ELL2: variants seen among roughly 807,000 people sequenced by gnomAD.
The protein encoded by ELL2 is RNA polymerase II elongation factor ELL2.
A neutral mutation model predicts 72.8 loss-of-function variants in ELL2; 21 were observed. The ratio of observed to expected loss-of-function variants is 0.29; its 90% CI spans 0.20 to 0.42. The LOEUF (loss-of-function observed/expected upper bound fraction) is 0.42. Ranked by LOEUF, ELL2 falls within the 10% of genes least tolerant of loss-of-function variation. ELL2 has a pLI of 1.00. For missense variants in ELL2, 568 were observed against 772.8 expected (o/e 0.73, Z 3.14); for synonymous variants, 266 against 283.2 (o/e 0.94, Z 0.61).
rs546551113 is a variant in ELL2, at chr5:95,895,120, T to C, written c.1589+508A>G. Among the ~76,000 whole-genome samples, 83 of 152,370 alleles carry C rather than the reference T, an allele frequency of 5.4e-4. 1 individual carries two copies. Among genetic ancestry groups the C allele is most frequent in the African/African-American group, 2.0e-3 (82 of 41,584 alleles). The stretch of plus-strand genomic sequence containing the variant: ...AACTTGTTGTCACAACAAGAAAACA[T>C]TATAACCATTACTAAATTGAAATGA... On this transcript the variant is annotated intron_variant, in intron 9 of 11. Coordinates refer to ENST00000237853, the MANE Select transcript of ELL2 (RefSeq NM_012081.6).
rs1396136872 is a variant in ELL2 at position 95,898,304 on chromosome 5, C to T, written c.1461G>A (p.Glu487=). 2 of 1,612,640 alleles carry T rather than the reference C, an allele frequency of 1.2e-6. No individual in the cohort carries two copies. Among genetic ancestry groups the T allele is most frequent in the Non-Finnish European group, 1.7e-6 (2 of 1,179,672 alleles). Residue 487 remains glutamate, a synonymous_variant, in exon 8 of 12, where the codon GAG becomes GAA. Transcript: ENST00000237853. The part of the protein sequence containing the change: ...KHDIETIEEK[E]EDLKREEEIA... ...TTTCCTCTTCTCTCTTAAGATCTTC[C>T]TCCTTTTCCTCAATAGTCTCAATGT...
intron 2 of ELL2, among the ~76,000 whole-genome samples, chr5:95,921,583 T>C (rs1425870115): frequency 6.6e-6 from 1 of 152,236 alleles, no homozygotes; most frequent in Non-Finnish European, 1.5e-5. Context: ...CAGCGCCTAG[T>C]TGGCATACAT....
At chr5:95,926,803 C>A (rs903379734) in intron 2 of ELL2, among the ~76,000 whole-genome samples, 11 of 152,148 alleles carry the variant, frequency 7.2e-5, no homozygotes, top group Admixed American at 6.5e-5. Context: ...GAGAAAATAT[C>A]ATCGACGGCA....
intron 10 of ELL2, among the ~76,000 whole-genome samples, chr5:95,890,576 A>G (rs1748622730): frequency 6.6e-6 from 1 of 152,266 alleles, no homozygotes; most frequent in Admixed American, 6.5e-5. Flanking sequence ...AGGAAAGTGA[A>G]AACAGAGTAA....
intron 1 of ELL2, among the ~76,000 whole-genome samples, chr5:95,948,363 G>A (rs558265240): frequency 2.1e-4 from 31 of 147,024 alleles, no homozygotes; most frequent in Admixed American, 1.1e-3. Context: ...CCGGGAGGCG[G>A]AGCTTGCAGT....
intron 2 of ELL2, among the ~76,000 whole-genome samples, chr5:95,938,208 G>A (rs537346153): frequency 1.3e-5 from 2 of 152,220 alleles, no homozygotes; most frequent in East Asian, 3.9e-4. Context: ...GAGTTTTATA[G>A]CAGTATTCAA....
chr5:95,905,901 T>C (rs1310082172), intron 5 of ELL2, among the ~76,000 whole-genome samples: 1 of 152,158 alleles, frequency 6.6e-6, no homozygotes, highest in African/African-American at 2.4e-5. Flanking sequence ...GAAAAAAATA[T>C]GTAGGAGGTT....
At chr5:95,947,676 A>C (rs968407233) in intron 1 of ELL2, among the ~76,000 whole-genome samples, 1 of 152,160 alleles carries the variant, frequency 6.6e-6, no homozygotes, top group Non-Finnish European at 1.5e-5. Context: ...TCTGAATTCC[A>C]AATACAGTAC....
chr5:95,954,583 CTTTTTTTTTTTTCTTTTT>C (rs1396207028), intron 1 of ELL2, among the ~76,000 whole-genome samples: 7 of 98,664 alleles, frequency 7.1e-5, no homozygotes, highest in African/African-American at 1.9e-4. Flanking sequence ...ATTTTCTTTT[CTTTTTTTTTTTTCTTTTT>C]TTTTTTTTTT....
At chr5:95,954,499 C>A (rs549286539) in intron 1 of ELL2, among the ~76,000 whole-genome samples, 1 of 150,172 alleles carries the variant, frequency 6.7e-6, no homozygotes, top group East Asian at 1.9e-4. Context: ...CTCTGCCTCC[C>A]GGGTTCACAC....
chr5:95,927,362 T>A (rs187751654), intron 2 of ELL2, among the ~76,000 whole-genome samples: 1 of 128,186 alleles, frequency 7.8e-6, no homozygotes, highest in Non-Finnish European at 1.6e-5. Flanking sequence ...TATGTGTATA[T>A]ATAGACATAC....
intron 5 of ELL2, among the ~76,000 whole-genome samples, chr5:95,904,050 T>C (rs1448051330): frequency 1.3e-5 from 2 of 152,234 alleles, no homozygotes; most frequent in Non-Finnish European, 2.9e-5. Flanking sequence ...CTCCAAGCCA[T>C]TCTTGCCGTA....
intron 8 of ELL2, among the ~76,000 whole-genome samples, chr5:95,896,200 T>C (rs1276717559): frequency 6.6e-6 from 1 of 152,204 alleles, no homozygotes; most frequent in Admixed American, 6.5e-5. Context: ...TTCCCATTGG[T>C]TTAAAGTAAT....
chr5:95,909,218 GT>G (rs1451645324), intron 4 of ELL2, among the ~76,000 whole-genome samples: 1 of 152,198 alleles, frequency 6.6e-6, no homozygotes, highest in Non-Finnish European at 1.5e-5. Context: ...CAGAACTAGA[GT>G]TTTACTTGGG....
At chr5:95,894,782 G>T (rs1295693592) in intron 9 of ELL2, among the ~76,000 whole-genome samples, 2 of 152,126 alleles carry the variant, frequency 1.3e-5, no homozygotes, top group African/African-American at 4.8e-5. Context: ...CTTTACTCTG[G>T]AAATGAAAAG....
rs183368843 is a variant in ELL2, at chr5:95,915,389, C to A, written c.318-1455G>T. Among the ~76,000 whole-genome samples, 6 of 152,342 alleles carry A rather than the reference C, an allele frequency of 3.9e-5. No individual in the cohort carries two copies. The South Asian group carries it at 1.2e-3, about 32-fold the overall frequency. On this transcript the variant is annotated intron_variant, in intron 3 of 11. Transcript: ENST00000237853. ...TGCTGGGATTACAGGCGTGAGCCAC[C>A]GCACCTGGCTGATAAAATCTTTATA...
At chr5:95,940,258 C>G (rs1043595703) in intron 2 of ELL2, among the ~76,000 whole-genome samples, 1 of 152,134 alleles carries the variant, frequency 6.6e-6, no homozygotes, top group Non-Finnish European at 1.5e-5. Context: ...TAATAAAAAT[C>G]CAGGTAATCA....
chr5:95,906,898 G>A, intron 4 of ELL2, 116 bp from the exon 5 acceptor site: 1 of 1,081,190 alleles, frequency 9.2e-7, no homozygotes, highest in Non-Finnish European at 1.3e-6. Flanking sequence ...AATAATAAAG[G>A]CCACTTTATT....
intron 2 of ELL2, among the ~76,000 whole-genome samples, chr5:95,933,988 A>G (rs975704126): frequency 6.6e-6 from 1 of 152,218 alleles, no homozygotes; most frequent in Non-Finnish European, 1.5e-5. Context: ...GCTTTCAAAC[A>G]GCTGTGGAAA....
Sources: allele counts gnomAD v4.1 joint callset (sites outside exome capture counted in the v4.1 genomes callset), GRCh38; gene constraint gnomAD v4.1.1; transcripts MANE v1.5; gene names NCBI Gene and HGNC (gene_info 2026-07-23, HGNC 2026-07-21).